Variants in TNIK observed in about 807,000 individuals in gnomAD.
The protein encoded by TNIK is TRAF2 and NCK-interacting protein kinase.
Under a neutral mutation model 191.3 loss-of-function variants are expected in TNIK, and 49 were observed. The observed-to-expected ratio is 0.26, with a 90% CI of 0.20 to 0.32. The LOEUF (loss-of-function observed/expected upper bound fraction) is 0.32. Among genes scored for constraint, TNIK ranks in the 10% least tolerant of loss-of-function variants. The pLI, the probability that TNIK is intolerant of heterozygous loss-of-function variation, is 1.00. For synonymous variants in TNIK, 594 were observed against 600.9 expected, an observed-to-expected ratio of 0.99 and a Z score of 0.17; for missense variants, 1,155 against 1,702.3, an observed-to-expected ratio of 0.68 and a Z score of 5.66.
At chr3:171,107,153 A>G in intron 21 of TNIK, 30 bp downstream of exon 21, 1 of 1,599,706 alleles carries the variant, frequency 6.3e-7, no homozygotes, top group Non-Finnish European at 8.5e-7. Flanking sequence ...ACATTTTGTG[A>G]AAGCATGACC....
intron 2 of TNIK, among the ~76,000 whole-genome samples, chr3:171,284,046 G>C (rs1283771477): frequency 6.6e-6 from 1 of 152,136 alleles, no homozygotes; most frequent in Non-Finnish European, 1.5e-5. Flanking sequence ...AGAAACATCA[G>C]CATCACCTGT....
At chr3:171,347,145 G>A in intron 2 of TNIK, 1 of 1,523,198 alleles carries the variant, frequency 6.6e-7, no homozygotes, top group Non-Finnish European at 8.7e-7. Flanking sequence ...ATGAAATTCA[G>A]GAGATGATGT....
At chr3:171,452,896 T>C (rs866220689) in intron 1 of TNIK, among the ~76,000 whole-genome samples, 3 of 152,156 alleles carry the variant, frequency 2.0e-5, no homozygotes, top group Non-Finnish European at 2.9e-5. Flanking sequence ...GGACCAGGCA[T>C]AGTATTTCTC....
At chr3:171,127,237 T>G (rs1728601472) in intron 16 of TNIK, among the ~76,000 whole-genome samples, 1 of 152,212 alleles carries the variant, frequency 6.6e-6, no homozygotes, top group East Asian at 1.9e-4. Flanking sequence ...ATTTAAGTGC[T>G]GGAATGTTAT....
At chr3:171,092,199 C>T (rs923379140) in intron 23 of TNIK, among the ~76,000 whole-genome samples, 5 of 152,036 alleles carry the variant, frequency 3.3e-5, no homozygotes, top group African/African-American at 7.2e-5. Context: ...CCTCCCACCT[C>T]GGCCTCCCAA....
intron 1 of TNIK, among the ~76,000 whole-genome samples, chr3:171,408,712 C>T (rs1218856044): frequency 1.3e-5 from 2 of 152,164 alleles, no homozygotes; most frequent in African/African-American, 4.8e-5. Flanking sequence ...TGATACCTAC[C>T]AGACATACAA....
intron 7 of TNIK, among the ~76,000 whole-genome samples, chr3:171,183,127 G>A (rs1047800424): frequency 6.6e-6 from 1 of 152,190 alleles, no homozygotes; most frequent in East Asian, 1.9e-4. Flanking sequence ...GTACTCAGTG[G>A]TGGTCAAAGA....
intron 1 of TNIK, among the ~76,000 whole-genome samples, chr3:171,380,427 T>A (rs1321324932): frequency 1.3e-5 from 2 of 152,190 alleles, no homozygotes; most frequent in Non-Finnish European, 2.9e-5. Flanking sequence ...CAATTCAAGG[T>A]TCTGTTTTGG....
At chr3:171,344,879 C>G (rs1230795893) in intron 2 of TNIK, among the ~76,000 whole-genome samples, 1 of 152,130 alleles carries the variant, frequency 6.6e-6, no homozygotes, top group Non-Finnish European at 1.5e-5. Context: ...ATTTGCAACA[C>G]AGTTCTCATA....
At chr3:171,216,111 G>A (rs1365376387) in intron 3 of TNIK, among the ~76,000 whole-genome samples, 1 of 152,110 alleles carries the variant, frequency 6.6e-6, no homozygotes, top group Non-Finnish European at 1.5e-5. Flanking sequence ...ACTGAATGTG[G>A]CAAAAAGTAG....
chr3:171,321,751 G>A (rs911552018), intron 2 of TNIK, among the ~76,000 whole-genome samples: 3 of 152,140 alleles, frequency 2.0e-5, no homozygotes, highest in East Asian at 1.9e-4. Flanking sequence ...AGAAAGTAGC[G>A]AGATATGAAA....
rs143383266 is a variant in TNIK, at chr3:171,433,633, A to C, written c.57+26374T>G. Among the ~76,000 whole-genome samples the C allele has an allele frequency of 2.4e-3, 358 of 152,252 alleles. 3 individuals carry two copies. Among genetic ancestry groups the C allele is most frequent in the African/African-American group, 8.0e-3 (331 of 41,560 alleles). ...GTGTGCAACAAAAACACAAATTATA[A>C]CAGCAGATTAAAAAGCTATTCTTAT... is the stretch of plus-strand genomic sequence containing the variant. On this transcript the variant is annotated intron_variant, in intron 1 of 32. Coordinates refer to ENST00000436636, the MANE Select transcript of TNIK (RefSeq NM_015028.4).
At chr3:171,425,949 T>C (rs988578469) in intron 1 of TNIK, among the ~76,000 whole-genome samples, 13 of 152,158 alleles carry the variant, frequency 8.5e-5, no homozygotes, top group African/African-American at 2.9e-4. Context: ...ACTTTTACAC[T>C]GTTGGTGGGA....
At position 171,225,845 on chromosome 3, in the gene TNIK, C is replaced by T. The variant is rs9820479; in HGVS notation, c.180+2320G>A. 3.0e-3 allele frequency: 1,007 copies of T among 338,620 alleles called. 10 individuals carry two copies. Among genetic ancestry groups the T allele is most frequent in the African/African-American group, 0.019 (859 of 46,056 alleles). The allele number at this position is 338,620 out of a possible 1,614,324, so 21.0% of individuals were successfully genotyped here. A position where few individuals can be genotyped will look rare whatever the true frequency, so the allele number is the denominator to read the frequency against. On this transcript the variant is annotated intron_variant, in intron 3 of 32. Coordinates refer to ENST00000436636, the MANE Select transcript of TNIK (RefSeq NM_015028.4). ...AACTCTCAACTGTAGTTCTTCAAAA[C>T]CACACAATAGAATTTAATATACAGC...
chr3:171,317,895 AAT>A (rs1273563367), intron 2 of TNIK, among the ~76,000 whole-genome samples: 1 of 152,138 alleles, frequency 6.6e-6, no homozygotes, highest in Admixed American at 6.6e-5. Context: ...GGAACTTGAG[AAT>A]ATATTGAAAT....
intron 15 of TNIK, 53 bp downstream of exon 15, chr3:171,138,138 T>G (rs1730297440): frequency 6.8e-7 from 1 of 1,468,234 alleles, no homozygotes; most frequent in Non-Finnish European, 9.0e-7. Context: ...TCACACAAAC[T>G]CATTAGAGTC....
intron 4 of TNIK, among the ~76,000 whole-genome samples, chr3:171,202,261 G>T (rs903986338): frequency 6.6e-6 from 1 of 151,858 alleles, no homozygotes; most frequent in African/African-American, 2.4e-5. Context: ...TTTGTCCAAA[G>T]ATCCAATCAT....
intron 7 of TNIK, among the ~76,000 whole-genome samples, chr3:171,185,187 G>A (rs985374339): frequency 5.0e-4 from 51 of 102,408 alleles, no homozygotes; most frequent in African/African-American, 4.4e-3. Flanking sequence ...CCGTGTGTGT[G>A]TGTGTGTGTG....
At chr3:171,104,082 T>G (rs79345499) in intron 21 of TNIK, among the ~76,000 whole-genome samples, 7 of 8,978 alleles carry the variant, frequency 7.8e-4, no homozygotes, top group Non-Finnish European at 3.4e-3. Flanking sequence ...TTAAAGGAAA[T>G]TTTCAATTAA....
Sources: gnomAD v4.1 joint callset for allele counts (sites outside exome capture counted in the v4.1 genomes callset) on GRCh38, gnomAD v4.1.1 for gene constraint, MANE v1.5 for transcripts, NCBI Gene and HGNC (gene_info 2026-07-23, HGNC 2026-07-21) for gene names.